PBX1: variants seen among roughly 807,000 people sequenced by gnomAD.
The protein encoded by PBX1 is pre-B-cell leukemia transcription factor 1.
PBX1 carries 6 observed loss-of-function variants against 53.4 expected under a neutral mutation model. The ratio of observed to expected loss-of-function variants is 0.11; its 90% confidence interval spans 0.06 to 0.22. The LOEUF (loss-of-function observed/expected upper bound fraction) is 0.22. Ranked by LOEUF, PBX1 falls within the 10% of genes least tolerant of loss-of-function variation. The pLI, the probability that PBX1 is intolerant of heterozygous loss-of-function variation, is 1.00. For synonymous variants in PBX1, 204 were observed against 212.3 expected (o/e 0.96, Z 0.34); for missense variants, 251 against 551.4 (o/e 0.46, Z 5.46).
chr1:164,832,644 A>G (rs1466956519), intron 8 of PBX1, among the ~76,000 whole-genome samples: 2 of 152,136 alleles, frequency 1.3e-5, no homozygotes, highest in African/African-American at 4.8e-5. Context: ...ATAGAACTAG[A>G]AAATTAAATA....
At chr1:164,760,033 C>T (rs1571351678) in intron 2 of PBX1, among the ~76,000 whole-genome samples, 1 of 152,204 alleles carries the variant, frequency 6.6e-6, no homozygotes, top group African/African-American at 2.4e-5. Flanking sequence ...GTGCTTTCTC[C>T]TCCAGTCTCC....
intron 2 of PBX1, among the ~76,000 whole-genome samples, chr1:164,571,583 T>TA (rs1377496844): frequency 7.8e-6 from 1 of 128,082 alleles, no homozygotes; most frequent in Non-Finnish European, 1.5e-5. Context: ...TGCTTATTCA[T>TA]TATTCAGTTG....
At chr1:164,729,213 T>TAAGTAGGA (rs1664853781) in intron 2 of PBX1, among the ~76,000 whole-genome samples, 1 of 152,228 alleles carries the variant, frequency 6.6e-6, no homozygotes, top group African/African-American at 2.4e-5. Flanking sequence ...AGTAGGAAAT[T>TAAGTAGGA]AATCTTAGAC....
At chr1:164,842,443 T>C (rs537236958) in intron 8 of PBX1, among the ~76,000 whole-genome samples, 1 of 152,348 alleles carries the variant, frequency 6.6e-6, no homozygotes, top group East Asian at 1.9e-4. Flanking sequence ...GAGTAAATAG[T>C]CATTTTTATT....
chr1:164,798,632 G>C (rs1174105951), intron 3 of PBX1, among the ~76,000 whole-genome samples: 1 of 152,196 alleles, frequency 6.6e-6, no homozygotes, highest in African/African-American at 2.4e-5. Context: ...AGCTCTCTGG[G>C]CCACTTCTTC....
intron 6 of PBX1, chr1:164,815,875 C>T (rs1669857901): frequency 1.3e-5 from 2 of 151,992 alleles, no homozygotes; most frequent in Non-Finnish European, 2.9e-5. Flanking sequence ...CATATCAACC[C>T]CTAAAAAGAG....
chr1:164,767,638 A>C (rs1413073239), intron 2 of PBX1, among the ~76,000 whole-genome samples: 1 of 151,902 alleles, frequency 6.6e-6, no homozygotes, highest in African/African-American at 2.4e-5. Context: ...AGTGGGAGGT[A>C]GTACAAACAT....
intron 8 of PBX1, among the ~76,000 whole-genome samples, chr1:164,821,874 C>A (rs1318439093): frequency 6.6e-6 from 1 of 152,108 alleles, no homozygotes; most frequent in Non-Finnish European, 1.5e-5. Context: ...TTGCATGGCA[C>A]CTGCGGCCAC....
rs546802907 is a variant in PBX1 at position 164,837,883 on chromosome 1, A to G, written c.1201-8701A>G. Among the ~76,000 whole-genome samples the G allele has an allele frequency of 7.9e-5, 12 of 152,318 alleles. No homozygotes were observed. The South Asian group carries it at 8.3e-4, about 11-fold the overall frequency. ...AACCTGGAAATGCACACCATCTCCT[A>G]TACTATGTGAGTTATGGAGAGGCTC... On this transcript the variant is annotated intron_variant, in intron 8 of 8. Coordinates refer to ENST00000420696, the MANE Select transcript of PBX1 (RefSeq NM_002585.4).
intron 2 of PBX1, among the ~76,000 whole-genome samples, chr1:164,870,449 A>G (rs528131200): frequency 1.3e-5 from 2 of 151,564 alleles, no homozygotes; most frequent in South Asian, 2.1e-4. Context: ...GGTTCAAGCA[A>G]TTCTCTTGTC....
chr1:164,562,672 C>A (rs2101686874), intron 1 of PBX1: 1 of 152,286 alleles, frequency 6.6e-6, no homozygotes, highest in Non-Finnish European at 1.5e-5. Context: ...TGCCCCCTGG[C>A]AATGCATTTC....
At chr1:164,695,185 A>T (rs994867074) in intron 2 of PBX1, among the ~76,000 whole-genome samples, 1 of 152,330 alleles carries the variant, frequency 6.6e-6, no homozygotes, top group Non-Finnish European at 1.5e-5. Flanking sequence ...TATAAATGTC[A>T]CTTTCGCTCA....
intron 2 of PBX1, among the ~76,000 whole-genome samples, chr1:164,573,484 C>CTTTTTTT (rs747696401): frequency 9.6e-6 from 1 of 104,626 alleles, no homozygotes; most frequent in East Asian, 2.8e-4. Context: ...TACAGCACAT[C>CTTTTTTT]TTTTTTTTTT....
intron 2 of PBX1, among the ~76,000 whole-genome samples, chr1:164,648,157 G>A (rs546742870): frequency 4.7e-4 from 72 of 152,212 alleles, no homozygotes; most frequent in African/African-American, 1.4e-3. Flanking sequence ...TGAAATACCC[G>A]GGGACCTGGG....
chr1:164,591,299 A>T (rs1655360942), intron 2 of PBX1, among the ~76,000 whole-genome samples: 1 of 152,200 alleles, frequency 6.6e-6, no homozygotes, highest in Admixed American at 6.5e-5. Flanking sequence ...GGCGTCAGCC[A>T]CCGCTCCTGG....
At chr1:164,729,136 C>T (rs535472437) in intron 2 of PBX1, among the ~76,000 whole-genome samples, 5 of 152,290 alleles carry the variant, frequency 3.3e-5, no homozygotes, top group Admixed American at 3.3e-4. Context: ...TCCAGGAATA[C>T]TTGGTAACTA....
At chr1:164,635,628 G>A (rs538081627) in intron 2 of PBX1, among the ~76,000 whole-genome samples, 41 of 152,244 alleles carry the variant, frequency 2.7e-4, no homozygotes, top group Non-Finnish European at 5.0e-4. Flanking sequence ...ATCCAGCCTC[G>A]CCATATATCA....
intron 2 of PBX1, chr1:164,769,944 T>C (rs1219381162): frequency 2.6e-5 from 4 of 152,166 alleles, no homozygotes; most frequent in Non-Finnish European, 5.9e-5. Flanking sequence ...TCCATGCTTA[T>C]CTGAATTCCT....
At chr1:164,713,307 C>G (rs1000649196) in intron 2 of PBX1, among the ~76,000 whole-genome samples, 1 of 152,144 alleles carries the variant, frequency 6.6e-6, no homozygotes, top group Non-Finnish European at 1.5e-5. Context: ...TCCAACATGG[C>G]TCTCCAACAG....
Sources: allele counts gnomAD v4.1 joint callset (sites outside exome capture counted in the v4.1 genomes callset), GRCh38; gene constraint gnomAD v4.1.1; transcripts MANE v1.5; gene names NCBI Gene and HGNC (gene_info 2026-07-23, HGNC 2026-07-21).